The following AK8 variants were observed in gnomAD, a reference collection of about 807,000 sequenced individuals.
AK8 encodes the protein ATP-AMP transphosphorylase 8.
Under a neutral mutation model 54.6 loss-of-function variants are expected in AK8, and 44 were observed. The ratio of observed to expected loss-of-function variants is 0.81; its 90% CI spans 0.63 to 1.04. AK8 has a LOEUF of 1.04. Among genes scored for constraint, AK8 ranks in the 50% least tolerant of loss-of-function variants. The pLI is 0.00. For missense variants in AK8, 555 were observed against 613.6 expected, an observed-to-expected ratio of 0.90 and a Z score of 1.01; for synonymous variants, 239 against 245.6, an observed-to-expected ratio of 0.97 and a Z score of 0.25.
intron 11 of AK8, among the ~76,000 whole-genome samples, chr9:132,738,222 T>G (rs1167828545): frequency 1.3e-5 from 2 of 151,880 alleles, no homozygotes; most frequent in African/African-American, 4.8e-5. Context: ...CCCGGCTAAT[T>G]TTTTGTATTT....
intron 10 of AK8, among the ~76,000 whole-genome samples, chr9:132,795,729 G>A (rs567990327): frequency 6.6e-5 from 10 of 152,208 alleles, no homozygotes; most frequent in East Asian, 1.9e-4. Context: ...ACGCTGTCTC[G>A]GGGAGACAAA....
intron 11 of AK8, among the ~76,000 whole-genome samples, chr9:132,752,053 G>C (rs545432928): frequency 5.3e-5 from 8 of 151,862 alleles, no homozygotes; most frequent in African/African-American, 1.9e-4. Context: ...TGTTGGTCAG[G>C]CTGGTCTCGA....
intron 11 of AK8, among the ~76,000 whole-genome samples, chr9:132,755,510 C>T (rs1451883427): frequency 6.6e-6 from 1 of 152,230 alleles, no homozygotes; most frequent in East Asian, 1.9e-4. Flanking sequence ...CCATGGAGGG[C>T]AGGACTGCGC....
chr9:132,766,211 A>G (rs1838718270), intron 11 of AK8, among the ~76,000 whole-genome samples: 4 of 152,212 alleles, frequency 2.6e-5, no homozygotes. Context: ...TCCCAGGTTC[A>G]AGCAATCCTC....
intron 11 of AK8, among the ~76,000 whole-genome samples, chr9:132,789,597 C>CAAAAAAAAAAAAAAAAAAAAAAAA (rs578003731): frequency 1.2e-4 from 7 of 57,542 alleles, no homozygotes; most frequent in East Asian, 6.3e-4. Context: ...ACTCATCTCA[C>CAAAAAAAAAAAAAAAAAAAAAAAA]AAAAAAAAAA....
At chr9:132,776,373 C>T (rs1302144766) in intron 11 of AK8, among the ~76,000 whole-genome samples, 1 of 152,212 alleles carries the variant, frequency 6.6e-6, no homozygotes, top group Non-Finnish European at 1.5e-5. Context: ...GGCCAAATTC[C>T]GCCCACAGGG....
chr9:132,862,285 G>A (rs1254224358), intron 4 of AK8, among the ~76,000 whole-genome samples: 1 of 151,822 alleles, frequency 6.6e-6, no homozygotes, highest in Non-Finnish European at 1.5e-5. Context: ...GTCATAGGCA[G>A]ACTTGGGGCT....
At chr9:132,818,190 A>C (rs1474544744) in intron 9 of AK8, among the ~76,000 whole-genome samples, 1 of 152,208 alleles carries the variant, frequency 6.6e-6, no homozygotes, top group African/African-American at 2.4e-5. Flanking sequence ...TGTCACCAGC[A>C]CACTTTCACT....
chr9:132,777,265 G>A (rs1424731841), intron 11 of AK8, among the ~76,000 whole-genome samples: 1 of 152,114 alleles, frequency 6.6e-6, no homozygotes, highest in Non-Finnish European at 1.5e-5. Flanking sequence ...TGGTCACACG[G>A]GTGGAGCCCC....
At position 132,812,529 on chromosome 9, in the gene AK8, G is replaced by GCGCCCAC. The variant is rs1564415071; in HGVS notation, c.979+2108_979+2109insGTGGGCG. ...GCTGGGATGACAGGGGTGAGCTACC[G>GCGCCCAC]TGCCCACTGGGATGACGGGTGAGCC... On this transcript the variant is annotated intron_variant, in intron 10 of 12. Coordinates refer to ENST00000298545, the MANE Select transcript of AK8 (RefSeq NM_152572.3). Among the ~76,000 whole-genome samples the GCGCCCAC allele has an allele frequency of 3.3e-3, 488 of 147,258 alleles. 10 individuals carry two copies. Among genetic ancestry groups the GCGCCCAC allele is most frequent in the African/African-American group, 6.6e-3 (272 of 41,210 alleles).
In AK8 at chr9:132,726,326, CTTTTT is replaced by C. The variant is rs1179340642; in HGVS notation, c.1203-406_1203-402del. 1.5e-4 allele frequency among the ~76,000 whole-genome samples: 17 copies of C among 113,538 alleles called. No individual in the cohort carries two copies. In the Admixed American group the frequency reaches 1.7e-3, roughly 12 times the overall value. 74.5% of individuals were successfully genotyped at this position (113,538 alleles called of 152,430 possible). A position where few individuals can be genotyped will look rare whatever the true frequency, so the allele number is the denominator to read the frequency against. ...TTCTCTTCTTCTTCCTTTTTCTTTT[CTTTTT>C]TGAGACAGGGTCTCACTCTCTTGCC... is the stretch of plus-strand genomic sequence containing the variant. On this transcript the variant is annotated intron_variant, in intron 12 of 12. Coordinates refer to ENST00000298545, the MANE Select transcript of AK8 (RefSeq NM_152572.3).
chr9:132,786,450 C>T (rs1166010785), intron 11 of AK8, among the ~76,000 whole-genome samples: 1 of 152,146 alleles, frequency 6.6e-6, no homozygotes, highest in East Asian at 1.9e-4. Context: ...CCCTGCCCTT[C>T]CCAGTGTCCT....
At chr9:132,840,126 C>T (rs925034937) in intron 5 of AK8, among the ~76,000 whole-genome samples, 1 of 152,018 alleles carries the variant, frequency 6.6e-6, no homozygotes, top group Non-Finnish European at 1.5e-5. Flanking sequence ...CCCCAGTCAC[C>T]TCTTAAAGGT....
chr9:132,790,255 C>T lies in AK8; in HGVS notation c.1121+2379G>A, dbSNP rs1029539273. On this transcript the variant is annotated intron_variant, in intron 11 of 12. Transcript: ENST00000298545. This position sits in a 1 kb window ranked among gnomAD's most constrained non-coding sequence, Gnocchi z 4.1. ...GATTTTAAATCACGGAGCTATACTT[C>T]TTTTTTTTTTTTTGAGACGGAGTCT... 2.1e-5 allele frequency among the ~76,000 whole-genome samples: 3 copies of T among 145,778 alleles called. No individual in the cohort carries two copies. Among genetic ancestry groups the T allele is most frequent in the Non-Finnish European group, 4.6e-5 (3 of 65,788 alleles).
chr9:132,741,036 C>T (rs537051321), intron 11 of AK8, among the ~76,000 whole-genome samples: 9 of 152,242 alleles, frequency 5.9e-5, no homozygotes, highest in African/African-American at 2.2e-4. Flanking sequence ...ACCCAGCCTT[C>T]CTGCCACATG....
Position 132,803,282 on chromosome 9 carries a change from G to A in AK8, c.980-10507C>T, listed in dbSNP as rs1435233759. ...TGGGGACACAGCCAAACCATATCAC[G>A]GAGCATCAGAGTAATGCAAACTGGA... On this transcript the variant is annotated intron_variant, in intron 10 of 12. Coordinates refer to ENST00000298545, the MANE Select transcript of AK8 (RefSeq NM_152572.3). This position sits in a 1 kb window ranked among gnomAD's most constrained non-coding sequence, Gnocchi z 4.4. Among the ~76,000 whole-genome samples the A allele has an allele frequency of 2.0e-5, 3 of 152,126 alleles. No homozygotes were observed. Among genetic ancestry groups the A allele is most frequent in the Admixed American group, 6.5e-5 (1 of 15,282 alleles).
At chr9:132,773,331 T>C (rs1381489746) in intron 11 of AK8, among the ~76,000 whole-genome samples, 1 of 152,016 alleles carries the variant, frequency 6.6e-6, no homozygotes, top group Non-Finnish European at 1.5e-5. Flanking sequence ...TCTATAAACA[T>C]ACCACCCTGT....
chr9:132,828,410 A>C (rs1281687618), intron 6 of AK8, among the ~76,000 whole-genome samples: 2 of 152,250 alleles, frequency 1.3e-5, no homozygotes, highest in East Asian at 3.8e-4. Flanking sequence ...TAGAATATGC[A>C]TTTCCTTCCT....
chr9:132,725,628 G>T lies in AK8; in HGVS notation c.*60C>A. ...TTTTAGGGGAGCTGTGCCGAGGCTG[G>T]GGGGCTGGGGGCAGGGGATTAACTC... On this transcript the variant is annotated 3_prime_UTR_variant, in exon 13 of 13. Transcript: ENST00000298545. 6.9e-7 allele frequency: 1 copy of T among 1,443,174 alleles called. No individual in the cohort carries two copies. The highest frequency in any genetic ancestry group is 1.3e-5 in the South Asian group (1 of 78,670). The allele number at this position is 1,443,174 out of a possible 1,614,324, so 89.4% of individuals were successfully genotyped here.
Sources: allele counts gnomAD v4.1 joint callset (sites outside exome capture counted in the v4.1 genomes callset), GRCh38; gene constraint gnomAD v4.1.1; non-coding constraint Gnocchi (gnomAD v3.1); transcripts MANE v1.5; gene names NCBI Gene and HGNC (gene_info 2026-07-23, HGNC 2026-07-21).